MFN2: variants seen among roughly 807,000 people sequenced by gnomAD.
MFN2 encodes the protein mitofusin 2.
A neutral mutation model predicts 87.5 loss-of-function variants in MFN2; 43 were observed. The observed-to-expected ratio is 0.49, with a 90% CI of 0.38 to 0.63. The LOEUF is 0.63. MFN2 is among the 30% of genes least tolerant of loss of function. The probability of loss-of-function intolerance (pLI) is 0.00; values close to 1 mark genes in which losing one functional copy is unlikely to be tolerated. For missense variants in MFN2, 743 were observed against 972.8 expected, an observed-to-expected ratio of 0.76 and a Z score of 3.14; for synonymous variants, 337 against 359.9, an observed-to-expected ratio of 0.94 and a Z score of 0.72.
At chr1:12,010,332 C>T (rs971723601) in intron 18 of MFN2, among the ~76,000 whole-genome samples, 7 of 152,194 alleles carry the variant, frequency 4.6e-5, no homozygotes, top group African/African-American at 1.4e-4. Flanking sequence ...GGGCCTACAG[C>T]GCTTAACATG....
At chr1:11,981,551 A>C (rs990293638) in intron 1 of MFN2, among the ~76,000 whole-genome samples, 1 of 152,232 alleles carries the variant, frequency 6.6e-6, no homozygotes, top group Non-Finnish European at 1.5e-5. Flanking sequence ...TGTCCCACAG[A>C]ATAGAGAATT....
chr1:11,991,822 G>A lies in MFN2; in HGVS notation c.176-733G>A, dbSNP rs555332940. On this transcript the variant is annotated intron_variant, in intron 3 of 18. Coordinates refer to ENST00000235329, the MANE Select transcript of MFN2 (RefSeq NM_014874.4). ...GCCTGTAGTCCCAGCTACTTGGGAG[G>A]CTGAGGCAGGAGAATGGCGTGAACC... Among the ~76,000 whole-genome samples the A allele has an allele frequency of 2.9e-4, 43 of 147,914 alleles. No individual in the cohort carries two copies. In the East Asian group the frequency reaches 8.3e-3, roughly 29 times the overall value.
At chr1:11,982,434 C>G (rs1388677625) in intron 2 of MFN2, 1 of 152,190 alleles carries the variant, frequency 6.6e-6, no homozygotes, top group Non-Finnish European at 1.5e-5. Flanking sequence ...AGGTTGGCTC[C>G]TTGTCACTGC....
At chr1:11,984,754 G>C (rs1638319889) in intron 2 of MFN2, among the ~76,000 whole-genome samples, 1 of 152,164 alleles carries the variant, frequency 6.6e-6, no homozygotes, top group African/African-American at 2.4e-5. Flanking sequence ...AAATCCAAGA[G>C]GACAGAGTTC....
intron 2 of MFN2, among the ~76,000 whole-genome samples, chr1:11,987,023 A>C (rs77197743): frequency 6.6e-6 from 1 of 152,294 alleles, no homozygotes; most frequent in African/African-American, 2.4e-5. Context: ...AGACTGTGAT[A>C]ATATGGCTGG....
chr1:11,981,920 G>GGTTTTTTT (rs1553139249), intron 1 of MFN2, 50 bp from the exon 2 acceptor site: 2 of 138,006 alleles, frequency 1.4e-5, no homozygotes, highest in African/African-American at 5.6e-5. Flanking sequence ...GTACACCAGT[G>GGTTTTTTT]TTTTTTTTTT....
At position 12,003,953 on chromosome 1, in the gene MFN2, G is replaced by C; in HGVS notation, c.1161-39G>C. 6.2e-7 allele frequency: 1 copy of C among 1,613,894 alleles called. No homozygotes were observed. Among genetic ancestry groups the C allele is most frequent in the Non-Finnish European group, 8.5e-7 (1 of 1,179,878 alleles). On this transcript the variant is annotated intron_variant, in intron 11 of 18. Transcript: ENST00000235329. The surrounding 1 kb of genome is among the most constrained non-coding windows in gnomAD (Gnocchi z 4.1). The stretch of plus-strand genomic sequence containing the variant: ...CCCCTCTTGCTCCTCTGCTTAGTCA[G>C]ACAGGAACATGGATTTCTCACCAGT...
chr1:11,999,821 G>A (rs1156986106), intron 8 of MFN2, among the ~76,000 whole-genome samples: 3 of 151,934 alleles, frequency 2.0e-5, no homozygotes, highest in Admixed American at 6.5e-5. Flanking sequence ...TAGGCCGGGC[G>A]CGGTGGCTCA....
Position 11,989,331 on chromosome 1 carries a change from A to T in MFN2, c.163A>T (p.Thr55Ser), listed in dbSNP as rs776423551. 26 of 1,613,924 alleles carry T rather than the reference A, an allele frequency of 1.6e-5. No individual in the cohort carries two copies. Among genetic ancestry groups the T allele is most frequent in the Non-Finnish European group, 2.2e-5 (26 of 1,180,002 alleles). Residue 55 changes from threonine to serine, a missense_variant, in exon 3 of 19, where the codon ACC becomes TCC. Physicochemically the swap from Thr to Ser is moderately conservative, Grantham distance 58 (BLOSUM62 1). Transcript: ENST00000235329. Reference protein sequence around the residue: ...QLGAYIQESATFLEDTYRNAE... With the variant: ...QLGAYIQESASFLEDTYRNAE... ...GGGGGCCTACATCCAGGAGAGCGCC[A>T]CCTTCCTTGAAGGTAAGGGGGCACC...
rs1219515056 is a variant in MFN2 at position 12,005,893 on chromosome 1, A to G, written c.1678A>G (p.Lys560Glu). ...TMLVNRFLGP[K>E]NSRRALMGYN... ...GCTGGTGAATAGGTTCCTGGGCCCCAAGAACAGCCGTCGGGCCTTGATGGG... is the reference window on the plus strand; with the variant it reads ...GCTGGTGAATAGGTTCCTGGGCCCCGAGAACAGCCGTCGGGCCTTGATGGG... Residue 560 changes from lysine (K) to glutamate (E), a missense_variant, in exon 15 of 19, where the codon AAG becomes GAG. Around this residue, in one of 3 missense-constraint regions of MFN2, gnomAD observed 571 missense variants for 670.7 expected, o/e 0.85. Transcript: ENST00000235329. The G allele has an allele frequency of 6.2e-7, 1 of 1,613,990 alleles. No homozygotes were observed. Among genetic ancestry groups the G allele is most frequent in the Non-Finnish European group, 8.5e-7 (1 of 1,180,038 alleles).
chr1:12,008,459 C>T (rs1464517298), intron 17 of MFN2, among the ~76,000 whole-genome samples: 7 of 142,006 alleles, frequency 4.9e-5, no homozygotes, highest in Non-Finnish European at 7.5e-5. Context: ...GGCGGCTGGC[C>T]GGGCGGGGAC....
chr1:11,985,771 G>A (rs1638374695), intron 2 of MFN2, among the ~76,000 whole-genome samples: 1 of 151,984 alleles, frequency 6.6e-6, no homozygotes, highest in African/African-American at 2.4e-5. Context: ...CCTGACCCCT[G>A]ATCCCTTTTC....
Position 11,999,089 on chromosome 1 carries a change from G to A in MFN2, c.810G>A (p.Met270Ile). 2 of 1,614,186 alleles carry A rather than the reference G, an allele frequency of 1.2e-6. No homozygotes were observed. Among genetic ancestry groups the A allele is most frequent in the Middle Eastern group, 1.6e-4 (1 of 6,062 alleles). ...CATCTGCCTCAGAGCCCGAGTACAT[G>A]GAGGAGGTTCGTGCTTCTGTTTGGC... is the stretch of plus-strand genomic sequence containing the variant. Reference protein sequence around the residue: ...WDASASEPEYMEEVRRQHMER... With the variant: ...WDASASEPEYIEEVRRQHMER... The change falls in exon 8 of 19, where the codon ATG becomes ATA. Residue 270 changes from methionine to isoleucine, a missense_variant. Around this residue, in one of 3 missense-constraint regions of MFN2, gnomAD observed 571 missense variants for 670.7 expected, o/e 0.85. Transcript: ENST00000235329.
At chr1:11,991,456 G>A (rs933149598) in intron 3 of MFN2, among the ~76,000 whole-genome samples, 1 of 152,212 alleles carries the variant, frequency 6.6e-6, no homozygotes, top group Non-Finnish European at 1.5e-5. Context: ...AATGAGCCAC[G>A]CTGCCCCAAG....
chr1:12,001,843 C>A lies in MFN2; in HGVS notation c.1038+7C>A. 6.2e-7 allele frequency: 1 copy of A among 1,614,084 alleles called. No individual in the cohort carries two copies. Among genetic ancestry groups the A allele is most frequent in the Non-Finnish European group, 8.5e-7 (1 of 1,179,962 alleles). On this transcript the variant is annotated splice_region_variant and intron_variant, in intron 10 of 18. Transcript: ENST00000235329. ...TTTTGAGAGGAGATTTGAGGTGAGT[C>A]CTCTGATTCTGGTATCTGGCGATTC...
At chr1:12,005,200 G>A (rs1639354769) in intron 14 of MFN2, among the ~76,000 whole-genome samples, 3 of 152,206 alleles carry the variant, frequency 2.0e-5, no homozygotes, top group Non-Finnish European at 4.4e-5. Flanking sequence ...TTCTGCTCCA[G>A]CGTCCCGAGT....
chr1:12,005,069 C>T, intron 14 of MFN2, 142 bp downstream of exon 14: 2 of 735,734 alleles, frequency 2.7e-6, no homozygotes, highest in South Asian at 3.1e-5. Flanking sequence ...GTTCTGGGTA[C>T]ATGTTCTGAA....
At chr1:12,010,981 C>A (rs971996879) in intron 18 of MFN2, among the ~76,000 whole-genome samples, 2 of 152,156 alleles carry the variant, frequency 1.3e-5, no homozygotes, top group East Asian at 3.9e-4. Context: ...CAGCTCCAAC[C>A]CTCACCGGAT....
In MFN2 at chr1:12,003,210, C is replaced by T. The variant is rs1343209936; in HGVS notation, c.1161-782C>T. Among the ~76,000 whole-genome samples the T allele has an allele frequency of 1.3e-5, 2 of 152,068 alleles. No homozygotes were observed. The highest frequency in any genetic ancestry group is 1.9e-4 in the East Asian group (1 of 5,168). ...TGGCAATTCTGTTTTAGGGTACACGCGTTTCCAGTTTTAGTCAGTTTTCTT... is the reference window on the plus strand; with the variant it reads ...TGGCAATTCTGTTTTAGGGTACACGTGTTTCCAGTTTTAGTCAGTTTTCTT... On this transcript the variant is annotated intron_variant, in intron 11 of 18. Coordinates refer to ENST00000235329, the MANE Select transcript of MFN2 (RefSeq NM_014874.4). This position sits in a 1 kb window ranked among gnomAD's most constrained non-coding sequence, Gnocchi z 4.1.
Sources: allele counts gnomAD v4.1 joint callset (sites outside exome capture counted in the v4.1 genomes callset), GRCh38; gene constraint gnomAD v4.1.1; regional missense constraint gnomAD v4.1.1; non-coding constraint Gnocchi (gnomAD v3.1); transcripts MANE v1.5; gene names NCBI Gene and HGNC (gene_info 2026-07-23, HGNC 2026-07-21).